The following APOBEC3D variants were observed in gnomAD, a reference collection of about 807,000 sequenced individuals.
APOBEC3D encodes the protein apolipoprotein B mRNA editing enzyme catalytic subunit 3D.
A neutral mutation model predicts 45.6 loss-of-function variants in APOBEC3D; 37 were observed. The observed-to-expected ratio is 0.81, with a 90% CI of 0.62 to 1.07. The LOEUF (loss-of-function observed/expected upper bound fraction) is 1.07. Ranked by LOEUF, APOBEC3D falls within the 50% of genes least tolerant of loss-of-function variation. APOBEC3D has a pLI of 0.00. For missense variants in APOBEC3D, 496 were observed against 495.3 expected, an observed-to-expected ratio of 1.00 and a Z score of -0.01; for synonymous variants, 175 against 180.7, an observed-to-expected ratio of 0.97 and a Z score of 0.25.
Position 39,032,506 on chromosome 22 carries a change from C to T in APOBEC3D, c.*190C>T, listed in dbSNP as rs936473692. The T allele has an allele frequency of 2.9e-6, 4 of 1,387,582 alleles. No individual in the cohort carries two copies. In the African/African-American group the frequency reaches 5.8e-5, roughly 20 times the overall value. 86.0% of individuals were successfully genotyped at this position (1,387,582 alleles called of 1,614,324 possible). On this transcript the variant is annotated 3_prime_UTR_variant, in exon 7 of 7. Transcript: ENST00000216099. ...CTCTCCCAGGCTCTTCTTGTAGAGG[C>T]TCTCCATCCACCTCCCCAGTCCTGT...
intron 5 of APOBEC3D, among the ~76,000 whole-genome samples, chr22:39,030,910 G>C (rs1467887116): frequency 6.6e-6 from 1 of 152,230 alleles, no homozygotes; most frequent in South Asian, 2.1e-4. Context: ...GCTCACGCCT[G>C]CAATCCCAAC....
At chr22:39,030,608 C>T (rs1240375381) in intron 5 of APOBEC3D, among the ~76,000 whole-genome samples, 2 of 151,912 alleles carry the variant, frequency 1.3e-5, no homozygotes, top group Non-Finnish European at 2.9e-5. Flanking sequence ...GTATTTTACA[C>T]GTGCCAACGT....
intron 5 of APOBEC3D, among the ~76,000 whole-genome samples, chr22:39,031,321 A>T (rs975709051): frequency 7.2e-5 from 11 of 152,218 alleles, no homozygotes; most frequent in African/African-American, 2.6e-4. Flanking sequence ...TAGTCCTAGA[A>T]ATTTGGTAGG....
In APOBEC3D at chr22:39,025,603, A is replaced by G; in HGVS notation, c.537A>G (p.Pro179=). The change falls in exon 4 of 7, where the codon CCA becomes CCG. Residue 179 remains proline, a synonymous_variant. Coordinates refer to ENST00000216099, the MANE Select transcript of APOBEC3D (RefSeq NM_152426.4). ...ACTTTGTGTGCAATGAAGGTCAGCC[A>G]TTCATGCCTTGGTACAAATTCGATG... ...WENFVCNEGQ[P]FMPWYKFDDN... is the part of the protein sequence containing the mutation. 2 of 1,614,132 alleles carry G rather than the reference A, an allele frequency of 1.2e-6. No homozygotes were observed. Among genetic ancestry groups the G allele is most frequent in the South Asian group, 2.2e-5 (2 of 91,080 alleles).
At chr22:39,028,479 A>T (rs1925898050) in intron 4 of APOBEC3D, among the ~76,000 whole-genome samples, 1 of 152,216 alleles carries the variant, frequency 6.6e-6, no homozygotes. Flanking sequence ...GGCACATGCC[A>T]TGAGCTCAGA....
chr22:39,026,412 T>G (rs1925669059), intron 4 of APOBEC3D, among the ~76,000 whole-genome samples: 2 of 152,240 alleles, frequency 1.3e-5, no homozygotes, highest in Non-Finnish European at 2.9e-5. Flanking sequence ...CACTTTAGTG[T>G]ACTTGTCTCC....
intron 5 of APOBEC3D, 136 bp downstream of exon 5, chr22:39,029,655 T>TA (rs397762615): frequency 4.6e-6 from 5 of 1,087,660 alleles, no homozygotes; most frequent in East Asian, 2.7e-5. Context: ...TTTTTTTTTT[T>TA]AAGACAGAGT....
chr22:39,027,113 G>A (rs1232819072), intron 4 of APOBEC3D, among the ~76,000 whole-genome samples: 8 of 152,146 alleles, frequency 5.3e-5, no homozygotes. Flanking sequence ...TGGGAACTGA[G>A]CACCTGGGTC....
At position 39,025,217 on chromosome 22, in the gene APOBEC3D, T is replaced by C. The variant is rs750520762; in HGVS notation, c.358T>C (p.Leu120=). 7.4e-6 allele frequency: 12 copies of C among 1,613,850 alleles called. No homozygotes were observed. In the East Asian group the frequency reaches 2.7e-4, roughly 36 times the overall value. ...CTGTGTGGTGAAGGTGACCAAATTCTTGGCTGAGCACCCCAATGTCACCCT... is the reference window on the plus strand; with the variant it reads ...CTGTGTGGTGAAGGTGACCAAATTCCTGGCTGAGCACCCCAATGTCACCCT... ...LPCVVKVTKF[L]AEHPNVTLTI... The change falls in exon 3 of 7, where the codon TTG becomes CTG. Residue 120 remains leucine, a synonymous_variant. Transcript: ENST00000216099.
In APOBEC3D at chr22:39,029,466, G is replaced by A. The variant is rs1337829282; in HGVS notation, c.709G>A (p.Val237Ile). The A allele has an allele frequency of 6.2e-7, 1 of 1,614,176 alleles. No individual in the cohort carries two copies. Among genetic ancestry groups the A allele is most frequent in the Non-Finnish European group, 8.5e-7 (1 of 1,180,030 alleles). Residue 237 changes from valine (V) to isoleucine (I), a missense_variant, in exon 5 of 7, where the codon GTT (valine) becomes ATT (isoleucine). By Grantham distance (29) the Val-to-Ile change is conservative. Coordinates refer to ENST00000216099, the MANE Select transcript of APOBEC3D (RefSeq NM_152426.4). Reference sequence around the variant, plus strand: ...AAGCTGGCTGTGCTTCACCATGGAAGTTACAAAGCACCACTCAGCTGTCTT... The same window carrying A: ...AAGCTGGCTGTGCTTCACCATGGAAATTACAAAGCACCACTCAGCTGTCTT... ...NESWLCFTME[V>I]TKHHSAVFRK...
chr22:39,026,420 T>C (rs142319931), intron 4 of APOBEC3D, among the ~76,000 whole-genome samples: 2 of 152,322 alleles, frequency 1.3e-5, no homozygotes, highest in East Asian at 3.9e-4. Flanking sequence ...TGTACTTGTC[T>C]CCAAATACAG....
chr22:39,025,534 T>C (rs375390945), intron 3 of APOBEC3D, 23 bp from the exon 4 acceptor site: 190 of 1,613,842 alleles, frequency 1.2e-4, no homozygotes, highest in Non-Finnish European at 1.5e-4. Flanking sequence ...AGAGCCTGAG[T>C]GCTTCCCACC....
In APOBEC3D at chr22:39,025,563, C is replaced by T. The variant is rs1281955821; in HGVS notation, c.497C>T (p.Ala166Val). The change falls in exon 4 of 7, where the codon GCA becomes GTA. Residue 166 changes from alanine to valine, a missense_variant. Transcript: ENST00000216099. ...RVKIMDYEDFAYCWENFVCNE... is the reference protein window; with the variant it reads ...RVKIMDYEDFVYCWENFVCNE... ...TCCCACCTCTTCATCTCAGACTTTG[C>T]ATACTGCTGGGAAAACTTTGTGTGC... 6.2e-7 allele frequency: 1 copy of T among 1,614,014 alleles called. No individual in the cohort carries two copies. Among genetic ancestry groups the T allele is most frequent in the Non-Finnish European group, 8.5e-7 (1 of 1,180,018 alleles).
chr22:39,032,571 T>G lies in APOBEC3D; in HGVS notation c.*255T>G. On this transcript the variant is annotated 3_prime_UTR_variant, in exon 7 of 7. Coordinates refer to ENST00000216099, the MANE Select transcript of APOBEC3D (RefSeq NM_152426.4). ...TGCCCCTAACTTGACTCTTCCCATC[T>G]CCCCAGCATAACCAAATCTTTTTTT... 6 of 1,042,914 alleles carry G rather than the reference T, an allele frequency of 5.8e-6. No individual in the cohort carries two copies. The highest frequency in any genetic ancestry group is 4.9e-5 in the East Asian group (1 of 20,300). 64.6% of individuals were successfully genotyped at this position (1,042,914 alleles called of 1,614,324 possible). A position where few individuals can be genotyped will look rare whatever the true frequency, so the allele number is the denominator to read the frequency against.
At chr22:39,029,599 C>T (rs1325650434) in intron 5 of APOBEC3D, 80 bp downstream of exon 5, 3 of 1,541,360 alleles carry the variant, frequency 1.9e-6, no homozygotes, top group African/African-American at 2.8e-5. Context: ...TGACGTGCCC[C>T]GCGTGGGCTC....
In APOBEC3D at chr22:39,022,836, G is replaced by A. The variant is rs753429659; in HGVS notation, c.32G>A (p.Arg11Gln). MNPQIRNPME[R>Q]MYRDTFYDNF... ...TGTGCCTTCAGAAATCCGATGGAGC[G>A]GATGTATCGAGACACATTCTACGAC... is the stretch of plus-strand genomic sequence containing the variant. The change falls in exon 2 of 7, where the codon CGG becomes CAG. Residue 11 changes from arginine (R) to glutamine (Q), a missense_variant. Transcript: ENST00000216099. The A allele has an allele frequency of 4.4e-6, 7 of 1,607,084 alleles. No individual in the cohort carries two copies. The highest frequency in any genetic ancestry group is 1.3e-5 in the African/African-American group (1 of 74,646).
chr22:39,025,031 C>T (rs1428512140), intron 2 of APOBEC3D, 39 bp from the exon 3 acceptor site: 2 of 1,478,662 alleles, frequency 1.4e-6, no homozygotes, highest in Non-Finnish European at 1.8e-6. Context: ...CTCCTGTTCC[C>T]CCGTCCCAGA....
chr22:39,025,811 C>G lies in APOBEC3D; in HGVS notation c.605+140C>G, dbSNP rs1925599567. The G allele has an allele frequency of 2.0e-6, 3 of 1,502,496 alleles. No homozygotes were observed. In the East Asian group the frequency reaches 6.9e-5, roughly 35 times the overall value. 93.1% of individuals were successfully genotyped at this position (1,502,496 alleles called of 1,614,324 possible). On this transcript the variant is annotated intron_variant, in intron 4 of 6. Transcript: ENST00000216099. ...ATGGTTACACCCCCTCACCCACACT[C>G]CTCATGCTCCCTCCACCTTGGTGCC...
rs73887535 is a variant in APOBEC3D, at chr22:39,032,091, C to G, written c.1043-107C>G. The G allele has an allele frequency of 0.016, 25,718 of 1,580,890 alleles. 3,454 individuals are homozygous for G. The African/African-American group carries it at 0.3, about 18-fold the overall frequency. Reference sequence around the variant, plus strand: ...GGGAAGCCTGCAGGGATGGGGCCGGCGCCAGCTGCAACTGGCAGCCAGGAG... The same window carrying G: ...GGGAAGCCTGCAGGGATGGGGCCGGGGCCAGCTGCAACTGGCAGCCAGGAG... On this transcript the variant is annotated intron_variant, in intron 6 of 6. Transcript: ENST00000216099.
Sources: allele counts gnomAD v4.1 joint callset (sites outside exome capture counted in the v4.1 genomes callset), GRCh38; gene constraint gnomAD v4.1.1; transcripts MANE v1.5; gene names NCBI Gene and HGNC (gene_info 2026-07-23, HGNC 2026-07-21).